The following MAPK8 variants were observed in gnomAD, a reference collection of about 807,000 sequenced individuals.
MAPK8 encodes mitogen-activated protein kinase 8, also known as JUN N-terminal kinase.
Under a neutral mutation model 52.9 loss-of-function variants are expected in MAPK8, and 13 were observed. The observed-to-expected ratio is 0.25, with a 90% CI of 0.16 to 0.39. The LOEUF (loss-of-function observed/expected upper bound fraction) is 0.39. MAPK8 is among the 10% of genes least tolerant of loss of function. The pLI, the probability that MAPK8 is intolerant of heterozygous loss-of-function variation, is 1.00. For missense variants in MAPK8, 300 were observed against 519.2 expected (o/e 0.58, Z 4.10); for synonymous variants, 191 against 169.8 (o/e 1.12, Z -0.97).
intron 1 of MAPK8, among the ~76,000 whole-genome samples, chr10:48,371,811 T>C (rs145412408): frequency 5.0e-4 from 76 of 152,102 alleles, no homozygotes; most frequent in African/African-American, 1.8e-3. Flanking sequence ...TAAATTGGGG[T>C]TCCCATGATC....
chr10:48,389,579 A>T (rs534716322), intron 1 of MAPK8, among the ~76,000 whole-genome samples: 1 of 152,222 alleles, frequency 6.6e-6, no homozygotes, highest in East Asian at 1.9e-4. Context: ...TCTCTCCTGT[A>T]AACTACTCCT....
intron 1 of MAPK8, among the ~76,000 whole-genome samples, chr10:48,323,289 TGTC>T (rs1298767774): frequency 3.9e-5 from 6 of 152,192 alleles, no homozygotes; most frequent in Non-Finnish European, 8.8e-5. Context: ...GTAATGATAT[TGTC>T]ATAATTAAAA....
At chr10:48,380,037 T>C (rs1393931199) in intron 1 of MAPK8, among the ~76,000 whole-genome samples, 1 of 150,264 alleles carries the variant, frequency 6.7e-6, no homozygotes, top group Non-Finnish European at 1.5e-5. Context: ...AGGTCAGTAG[T>C]TCGAGACCAG....
chr10:48,435,121 G>A lies in MAPK8; in HGVS notation c.*92G>A. ...AACAATTCAGTGGTCTTATTTTTGG[G>A]TGATTTTTCAAAAAATGTAGAATTC... On this transcript the variant is annotated 3_prime_UTR_variant, in exon 12 of 12. Coordinates refer to ENST00000374189, the MANE Select transcript of MAPK8 (RefSeq NM_001323329.2). 1 of 1,009,912 alleles carries A rather than the reference G, an allele frequency of 9.9e-7. No homozygotes were observed. 62.6% of individuals were successfully genotyped at this position (1,009,912 alleles called of 1,614,324 possible). A position where few individuals can be genotyped will look rare whatever the true frequency, so the allele number is the denominator to read the frequency against.
Position 48,433,181 on chromosome 10 carries a change from A to C in MAPK8, c.1139-1703A>C, listed in dbSNP as rs560919005. Among the ~76,000 whole-genome samples the C allele has an allele frequency of 2.1e-4, 32 of 152,322 alleles. 1 individual carries two copies. The South Asian group carries it at 6.4e-3, about 31-fold the overall frequency. ...TTTGAGAATTTACTGTATTGCTTTA[A>C]AGAGAAAACAAGTGTGTGTTTTTTC... On this transcript the variant is annotated intron_variant, in intron 11 of 11. Coordinates refer to ENST00000374189, the MANE Select transcript of MAPK8 (RefSeq NM_001323329.2).
intron 1 of MAPK8, among the ~76,000 whole-genome samples, chr10:48,324,363 T>C (rs569395588): frequency 1.3e-5 from 2 of 152,336 alleles, no homozygotes; most frequent in African/African-American, 4.8e-5. Flanking sequence ...GAGAGTCCTA[T>C]TCTTCCATCT....
intron 1 of MAPK8, among the ~76,000 whole-genome samples, chr10:48,364,256 T>C (rs1042626665): frequency 1.1e-4 from 16 of 152,162 alleles, no homozygotes; most frequent in African/African-American, 3.9e-4. Context: ...ATTCGTTTCC[T>C]TAAGTTTCCT....
At chr10:48,322,893 A>AT (rs1244485930) in intron 1 of MAPK8, among the ~76,000 whole-genome samples, 1 of 152,026 alleles carries the variant, frequency 6.6e-6, no homozygotes, top group Non-Finnish European at 1.5e-5. Context: ...TTTTTAAAAC[A>AT]TTTTTTCTGG....
chr10:48,402,262 A>G (rs1278590332), intron 2 of MAPK8, among the ~76,000 whole-genome samples: 1 of 152,220 alleles, frequency 6.6e-6, no homozygotes, highest in African/African-American at 2.4e-5. Context: ...ATTGAAGACA[A>G]ATATCTCTAT....
At chr10:48,421,996 T>TTTTATTTTA (rs2043386168) in intron 6 of MAPK8, among the ~76,000 whole-genome samples, 1 of 143,944 alleles carries the variant, frequency 6.9e-6, no homozygotes, top group African/African-American at 2.6e-5. Flanking sequence ...CTCACACTCA[T>TTTTATTTTA]TTTATTTATC....
chr10:48,407,269 T>C (rs1489332246), intron 3 of MAPK8, among the ~76,000 whole-genome samples: 1 of 152,242 alleles, frequency 6.6e-6, no homozygotes, highest in Non-Finnish European at 1.5e-5. Context: ...ATCACAGTTA[T>C]CCAGCTGTTT....
At chr10:48,357,579 A>G (rs1015456460) in intron 1 of MAPK8, among the ~76,000 whole-genome samples, 30 of 151,934 alleles carry the variant, frequency 2.0e-4, no homozygotes, top group Non-Finnish European at 4.0e-4. Context: ...GTATTTTTTA[A>G]TAGAGATGGA....
chr10:48,385,128 G>C (rs1212230559), intron 1 of MAPK8, among the ~76,000 whole-genome samples: 1 of 152,074 alleles, frequency 6.6e-6, no homozygotes. Context: ...GACTACTTGG[G>C]GTCAGTTAGT....
intron 1 of MAPK8, among the ~76,000 whole-genome samples, chr10:48,369,261 A>G (rs1848338749): frequency 6.6e-6 from 1 of 152,180 alleles, no homozygotes; most frequent in Admixed American, 6.6e-5. Context: ...GGTAAGTAAG[A>G]AGAGAACTGA....
intron 10 of MAPK8, among the ~76,000 whole-genome samples, chr10:48,427,695 T>C (rs1012015287): frequency 4.6e-5 from 7 of 152,212 alleles, no homozygotes; most frequent in African/African-American, 1.4e-4. Flanking sequence ...GGTTTCACCA[T>C]GTTAGCCAGG....
intron 11 of MAPK8, among the ~76,000 whole-genome samples, chr10:48,432,135 G>A (rs936330494): frequency 6.6e-6 from 1 of 152,134 alleles, no homozygotes; most frequent in Non-Finnish European, 1.5e-5. Flanking sequence ...GTATGAAGGA[G>A]GTGAAATTTG....
Position 48,418,060 on chromosome 10 carries a change from T to C in MAPK8, c.451-2095T>C, listed in dbSNP as rs1053433002. 4.6e-5 allele frequency among the ~76,000 whole-genome samples: 7 copies of C among 152,228 alleles called. No individual in the cohort carries two copies. In the East Asian group the frequency reaches 1.2e-3, roughly 25 times the overall value. ...AACACAAAAGCAGCCATAGGTGATC[T>C]GTACTTGAATGAGCATGACTGTGTT... On this transcript the variant is annotated intron_variant, in intron 5 of 11. Transcript: ENST00000374189.
At chr10:48,403,918 T>TA (rs1564589088) in intron 2 of MAPK8, among the ~76,000 whole-genome samples, 1 of 9,990 alleles carries the variant, frequency 1.0e-4, no homozygotes, top group South Asian at 1.5e-3. Context: ...CCGGCTAATT[T>TA]GTGTGTGTGT....
chr10:48,361,198 C>T (rs969952140), intron 1 of MAPK8, among the ~76,000 whole-genome samples: 4 of 152,100 alleles, frequency 2.6e-5, no homozygotes, highest in African/African-American at 9.7e-5. Flanking sequence ...TTTGTATTTC[C>T]GTACGTCTGT....
Sources: gnomAD v4.1 joint callset for allele counts (sites outside exome capture counted in the v4.1 genomes callset) on GRCh38, gnomAD v4.1.1 for gene constraint, MANE v1.5 for transcripts, NCBI Gene and HGNC (gene_info 2026-07-23, HGNC 2026-07-21) for gene names.